The following KCND2 variants were observed in gnomAD, a reference collection of about 807,000 sequenced individuals.
KCND2 encodes potassium voltage-gated channel subfamily D member 2, also known as A-type voltage-gated potassium channel KCND2.
KCND2 carries 16 observed loss-of-function variants against 54.4 expected under a neutral mutation model. That is an observed-to-expected ratio of 0.29 (90% CI 0.20 to 0.45). The LOEUF is 0.45. Among genes scored for constraint, KCND2 ranks in the 20% least tolerant of loss-of-function variants. KCND2 has a pLI of 1.00. For missense variants in KCND2, 486 were observed against 824.2 expected (o/e 0.59, Z 5.02); for synonymous variants, 317 against 310.7 (o/e 1.02, Z -0.21).
intron 1 of KCND2, among the ~76,000 whole-genome samples, chr7:120,526,490 C>G (rs1233988351): frequency 2.0e-5 from 3 of 151,994 alleles, no homozygotes; most frequent in African/African-American, 7.2e-5. Context: ...CTGATTGTAC[C>G]CAACAAAAGA....
At chr7:120,559,832 A>G (rs1361746179) in intron 1 of KCND2, among the ~76,000 whole-genome samples, 2 of 152,178 alleles carry the variant, frequency 1.3e-5, no homozygotes, top group African/African-American at 2.4e-5. Flanking sequence ...GAGTTCATGA[A>G]TTGATTTTCT....
At chr7:120,289,602 T>C (rs1355497995) in intron 1 of KCND2, among the ~76,000 whole-genome samples, 1 of 152,010 alleles carries the variant, frequency 6.6e-6, no homozygotes, top group Non-Finnish European at 1.5e-5. Flanking sequence ...CTTACACTTC[T>C]ACCAAAGATT....
chr7:120,383,388 G>T (rs1187744149), intron 1 of KCND2, among the ~76,000 whole-genome samples: 1 of 151,872 alleles, frequency 6.6e-6, no homozygotes, highest in East Asian at 1.9e-4. Context: ...AATTACTTAA[G>T]AAACAATATA....
intron 1 of KCND2, among the ~76,000 whole-genome samples, chr7:120,607,085 CAAGACT>C (rs1357963570): frequency 1.3e-5 from 2 of 152,022 alleles, no homozygotes; most frequent in Non-Finnish European, 2.9e-5. Context: ...ATCATGGTTA[CAAGACT>C]ATTGGTTTTT....
At chr7:120,547,601 A>C (rs1442896367) in intron 1 of KCND2, among the ~76,000 whole-genome samples, 1 of 152,020 alleles carries the variant, frequency 6.6e-6, no homozygotes, top group Non-Finnish European at 1.5e-5. Flanking sequence ...AGGGTGATAT[A>C]GGTTTCACAG....
chr7:120,601,695 A>T (rs1792815607), intron 1 of KCND2, among the ~76,000 whole-genome samples: 1 of 152,150 alleles, frequency 6.6e-6, no homozygotes, highest in Non-Finnish European at 1.5e-5. Flanking sequence ...TTGAGAGTTG[A>T]CCTTGAACTA....
chr7:120,583,389 A>G (rs1211416776), intron 1 of KCND2, among the ~76,000 whole-genome samples: 2 of 152,168 alleles, frequency 1.3e-5, no homozygotes, highest in East Asian at 1.9e-4. Context: ...TGAACAACAA[A>G]TTGTTGATTT....
chr7:120,443,321 T>C (rs1009635599), intron 1 of KCND2, among the ~76,000 whole-genome samples: 1 of 150,750 alleles, frequency 6.6e-6, no homozygotes, highest in Non-Finnish European at 1.5e-5. Context: ...AAGGTTTCAC[T>C]GGATAACAAT....
intron 1 of KCND2, among the ~76,000 whole-genome samples, chr7:120,625,960 A>G (rs182375150): frequency 6.6e-6 from 1 of 152,248 alleles, no homozygotes; most frequent in Admixed American, 6.5e-5. Flanking sequence ...CATAATTTTA[A>G]ATATGTAAGC....
At chr7:120,387,391 T>C (rs1447074681) in intron 1 of KCND2, among the ~76,000 whole-genome samples, 5 of 152,070 alleles carry the variant, frequency 3.3e-5, no homozygotes, top group Admixed American at 2.6e-4. Flanking sequence ...AGATTAAAAT[T>C]ACTGTTTTTA....
chr7:120,472,902 A>C (rs747447524), intron 1 of KCND2, among the ~76,000 whole-genome samples: 1 of 152,238 alleles, frequency 6.6e-6, no homozygotes, highest in Non-Finnish European at 1.5e-5. Context: ...ATGAGGGACC[A>C]TGAAGAATTG....
intron 1 of KCND2, among the ~76,000 whole-genome samples, chr7:120,707,081 C>A (rs566193329): frequency 6.6e-6 from 1 of 152,188 alleles, no homozygotes; most frequent in Non-Finnish European, 1.5e-5. Flanking sequence ...TTGCATAATG[C>A]AGCAAACCCT....
chr7:120,670,645 G>A (rs1011653420), intron 1 of KCND2, among the ~76,000 whole-genome samples: 9 of 151,960 alleles, frequency 5.9e-5, no homozygotes, highest in Non-Finnish European at 1.0e-4. Flanking sequence ...GGCTGGGCGC[G>A]GTGGCTCATG....
intron 1 of KCND2, among the ~76,000 whole-genome samples, chr7:120,544,521 A>G (rs1386347041): frequency 6.6e-6 from 1 of 151,948 alleles, no homozygotes; most frequent in African/African-American, 2.4e-5. Context: ...AATAATCACT[A>G]TGCAATCACA....
intron 1 of KCND2, among the ~76,000 whole-genome samples, chr7:120,686,284 A>G (rs1792200570): frequency 1.3e-5 from 2 of 152,160 alleles, no homozygotes; most frequent in South Asian, 4.1e-4. Context: ...CAGAAGTAGG[A>G]TTGCTGTATC....
intron 1 of KCND2, among the ~76,000 whole-genome samples, chr7:120,374,451 C>G (rs573219884): frequency 6.6e-6 from 1 of 151,654 alleles, no homozygotes; most frequent in African/African-American, 2.4e-5. Flanking sequence ...GGGTTAATTA[C>G]GTTTTCTGTG....
intron 1 of KCND2, among the ~76,000 whole-genome samples, chr7:120,469,085 C>A (rs558888123): frequency 6.6e-6 from 1 of 152,076 alleles, no homozygotes; most frequent in African/African-American, 2.4e-5. Context: ...GCCTTCAAGT[C>A]CCTATATTTG....
At chr7:120,308,791 G>A (rs1799685922) in intron 1 of KCND2, among the ~76,000 whole-genome samples, 1 of 152,126 alleles carries the variant, frequency 6.6e-6, no homozygotes, top group Non-Finnish European at 1.5e-5. Context: ...ATGATAAGTT[G>A]TTTAACTTCT....
intron 1 of KCND2, among the ~76,000 whole-genome samples, chr7:120,588,443 T>TGTGTGTGTGTGTG (rs1792628532): frequency 1.8e-5 from 1 of 54,236 alleles, no homozygotes; most frequent in Non-Finnish European, 5.0e-5. Flanking sequence ...GTGTGTGTGT[T>TGTGTGTGTGTGTG]TCCTTGAGTG....
Sources: gnomAD v4.1 joint callset for allele counts (sites outside exome capture counted in the v4.1 genomes callset) on GRCh38, gnomAD v4.1.1 for gene constraint, MANE v1.5 for transcripts, NCBI Gene and HGNC (gene_info 2026-07-23, HGNC 2026-07-21) for gene names.